RTN1: variants seen among roughly 807,000 people sequenced by gnomAD.
RTN1 encodes reticulon-1.
A neutral mutation model predicts 65.5 loss-of-function variants in RTN1; 25 were observed. The observed-to-expected ratio is 0.38, with a 90% CI of 0.28 to 0.53. The LOEUF (loss-of-function observed/expected upper bound fraction) is 0.53, where lower values mean the gene tolerates loss of function less well. Ranked by LOEUF, RTN1 falls within the 20% of genes least tolerant of loss-of-function variation. The pLI is 0.79. For missense variants in RTN1, 983 were observed against 1,025.4 expected (o/e 0.96, Z 0.57); for synonymous variants, 471 against 447.6 (o/e 1.05, Z -0.66).
intron 1 of RTN1, among the ~76,000 whole-genome samples, chr14:59,855,225 T>C (rs769301007): frequency 1.3e-5 from 2 of 152,210 alleles, no homozygotes; most frequent in Non-Finnish European, 2.9e-5. Context: ...TTATTATTTA[T>C]CCCCTTTTAT....
chr14:59,715,364 G>A (rs970238801), intron 3 of RTN1, among the ~76,000 whole-genome samples: 3 of 152,124 alleles, frequency 2.0e-5, no homozygotes, highest in Non-Finnish European at 4.4e-5. Flanking sequence ...TGGGCCCTGA[G>A]GAAAAGATGT....
intron 1 of RTN1, among the ~76,000 whole-genome samples, chr14:59,853,203 A>T (rs1371481557): frequency 6.6e-6 from 1 of 152,158 alleles, no homozygotes; most frequent in African/African-American, 2.4e-5. Context: ...ACGATTTTTT[A>T]AATTACTAAT....
intron 3 of RTN1, among the ~76,000 whole-genome samples, chr14:59,623,779 C>T (rs537421904): frequency 1.2e-4 from 18 of 152,124 alleles, no homozygotes; most frequent in South Asian, 6.2e-4. Flanking sequence ...AAAATGAATA[C>T]GTTTAAAATT....
chr14:59,615,908 A>T (rs1882088456), intron 3 of RTN1, among the ~76,000 whole-genome samples: 1 of 151,914 alleles, frequency 6.6e-6, no homozygotes, highest in African/African-American at 2.4e-5. Context: ...CTTTTTTAAA[A>T]TTTTTTTTGG....
At chr14:59,718,464 C>T (rs1212003889) in intron 3 of RTN1, among the ~76,000 whole-genome samples, 1 of 152,126 alleles carries the variant, frequency 6.6e-6, no homozygotes, top group Non-Finnish European at 1.5e-5. Flanking sequence ...GATTTCTTGG[C>T]CCTAGGCAAG....
chr14:59,784,467 T>A (rs1226461591), intron 1 of RTN1, among the ~76,000 whole-genome samples: 1 of 151,784 alleles, frequency 6.6e-6, no homozygotes, highest in African/African-American at 2.4e-5. Context: ...AAAATTGTCC[T>A]ATCATTTTTT....
intron 1 of RTN1, among the ~76,000 whole-genome samples, chr14:59,839,485 C>T (rs1488126224): frequency 6.6e-6 from 1 of 152,124 alleles, no homozygotes; most frequent in Non-Finnish European, 1.5e-5. Context: ...AATCTTCCTC[C>T]CTTCATCCAG....
chr14:59,625,340 A>G (rs1425991888), intron 3 of RTN1, among the ~76,000 whole-genome samples: 1 of 152,242 alleles, frequency 6.6e-6, no homozygotes, highest in African/African-American at 2.4e-5. Context: ...CTTTAAAAAA[A>G]ATGTTGGACA....
intron 1 of RTN1, among the ~76,000 whole-genome samples, chr14:59,867,135 G>A (rs1348662227): frequency 6.6e-6 from 1 of 152,132 alleles, no homozygotes. Flanking sequence ...TTCCAAAGCA[G>A]GCAATGAGTT....
chr14:59,739,010 G>C (rs76605418), intron 2 of RTN1, among the ~76,000 whole-genome samples: 1 of 152,108 alleles, frequency 6.6e-6, no homozygotes, highest in Non-Finnish European at 1.5e-5. Context: ...GACGGTGAAG[G>C]GGGAGGAAGG....
intron 3 of RTN1, among the ~76,000 whole-genome samples, chr14:59,721,513 T>C (rs970105009): frequency 6.6e-6 from 1 of 152,236 alleles, no homozygotes; most frequent in Non-Finnish European, 1.5e-5. Context: ...TGCAGATGTA[T>C]GCCCCAGCCA....
intron 1 of RTN1, among the ~76,000 whole-genome samples, chr14:59,809,869 A>T (rs1191898383): frequency 1.3e-5 from 2 of 152,084 alleles, no homozygotes; most frequent in African/African-American, 2.4e-5. Context: ...TTTTATATTT[A>T]AAAAAATTGG....
chr14:59,674,448 C>A (rs1883577387), intron 3 of RTN1, among the ~76,000 whole-genome samples: 1 of 152,172 alleles, frequency 6.6e-6, no homozygotes, highest in Non-Finnish European at 1.5e-5. Context: ...ATATTAGTTT[C>A]TTTCAAATGC....
chr14:59,607,203 C>T, intron 4 of RTN1, 82 bp downstream of exon 4: 1 of 1,234,192 alleles, frequency 8.1e-7, no homozygotes, highest in Non-Finnish European at 1.2e-6. Context: ...AAACATGACT[C>T]AAGTGCATCT....
chr14:59,736,572 T>C (rs1752706230), intron 2 of RTN1, among the ~76,000 whole-genome samples: 1 of 152,146 alleles, frequency 6.6e-6, no homozygotes, highest in Admixed American at 6.5e-5. Flanking sequence ...ACCAGGGACA[T>C]TTACAGCTGA....
chr14:59,668,537 G>A (rs933572961), intron 3 of RTN1, among the ~76,000 whole-genome samples: 5 of 152,108 alleles, frequency 3.3e-5, no homozygotes, highest in African/African-American at 1.2e-4. Flanking sequence ...CAGGACATAG[G>A]CATGGGCAAG....
rs543383501 is a variant in RTN1 at position 59,780,544 on chromosome 14, G to C, written c.242-34063C>G. 2.6e-5 allele frequency among the ~76,000 whole-genome samples: 4 copies of C among 152,294 alleles called. No individual in the cohort carries two copies. The East Asian group carries it at 5.8e-4, about 22-fold the overall frequency. On this transcript the variant is annotated intron_variant, in intron 1 of 8. Transcript: ENST00000267484. ...GTTATCAAACTCAAGAAAAAATATG[G>C]AGCATAATCATTTTAAGTGAATTAA...
intron 2 of RTN1, 110 bp downstream of exon 2, chr14:59,745,598 C>G (rs1885199608): frequency 4.4e-6 from 4 of 902,418 alleles, no homozygotes. Context: ...TTAAGGGGTC[C>G]AGATAGTAAA....
chr14:59,866,270 G>T (rs1279070467), intron 1 of RTN1, among the ~76,000 whole-genome samples: 1 of 152,092 alleles, frequency 6.6e-6, no homozygotes, highest in Non-Finnish European at 1.5e-5. Flanking sequence ...GAATTGAACC[G>T]CAATGGTTTC....
Sources: gnomAD v4.1 joint callset for allele counts (sites outside exome capture counted in the v4.1 genomes callset) on GRCh38, gnomAD v4.1.1 for gene constraint, MANE v1.5 for transcripts, NCBI Gene and HGNC (gene_info 2026-07-23, HGNC 2026-07-21) for gene names.